The following FHOD3 variants were observed in gnomAD, a reference collection of about 807,000 sequenced individuals.
FHOD3 encodes formin homology 2 domain containing 3.
A neutral mutation model predicts 173.0 loss-of-function variants in FHOD3; 90 were observed. That is an observed-to-expected ratio of 0.52 (90% CI 0.44 to 0.62). The LOEUF (loss-of-function observed/expected upper bound fraction) is 0.62, where lower values mean the gene tolerates loss of function less well. FHOD3 is among the 20% of genes least tolerant of loss of function. The probability of loss-of-function intolerance (pLI) is 0.00; values close to 1 mark genes in which losing one functional copy is unlikely to be tolerated. For missense variants in FHOD3, 1,945 were observed against 2,034.7 expected, an observed-to-expected ratio of 0.96 and a Z score of 0.85; for synonymous variants, 828 against 823.0, an observed-to-expected ratio of 1.01 and a Z score of -0.10.
intron 18 of FHOD3, chr18:36,710,911 TG>T (rs2040136829): frequency 1.3e-5 from 2 of 152,220 alleles, no homozygotes; most frequent in Admixed American, 6.5e-5. Flanking sequence ...TAATCATAAC[TG>T]GGTTTAGCAG....
At chr18:36,529,790 A>T (rs1472034931) in intron 5 of FHOD3, among the ~76,000 whole-genome samples, 1 of 152,012 alleles carries the variant, frequency 6.6e-6, no homozygotes, top group African/African-American at 2.4e-5. Flanking sequence ...AAAGAGTGAG[A>T]CTCTGTCTCA....
intron 27 of FHOD3, among the ~76,000 whole-genome samples, chr18:36,761,151 A>G (rs1428869275): frequency 1.3e-5 from 2 of 152,098 alleles, no homozygotes; most frequent in Admixed American, 6.5e-5. Context: ...GTCTGTGGCT[A>G]CTTTGGCAGA....
chr18:36,742,960 G>A (rs2041973401), intron 22 of FHOD3, 104 bp downstream of exon 22: 1 of 1,435,366 alleles, frequency 7.0e-7, no homozygotes, highest in Non-Finnish European at 9.4e-7. Flanking sequence ...AAGCACAGTG[G>A]AACAAATGAC....
At chr18:36,301,840 G>A (rs922955953) in intron 1 of FHOD3, among the ~76,000 whole-genome samples, 3 of 152,210 alleles carry the variant, frequency 2.0e-5, no homozygotes, top group East Asian at 1.9e-4. Flanking sequence ...GACTTTTTTA[G>A]TGTACATGTT....
chr18:36,742,851 A>C lies in FHOD3; in HGVS notation c.3874A>C (p.Thr1292Pro). 1 of 1,612,380 alleles carries C rather than the reference A, an allele frequency of 6.2e-7. No homozygotes were observed. Among genetic ancestry groups the C allele is most frequent in the Non-Finnish European group, 8.5e-7 (1 of 1,179,436 alleles). ...LLAIGNFLNG[T>P]NAKAFELSYL... ...AGCCATTGGGAACTTTCTAAATGGA[A>C]CTAATGTAAGTCATCCCCATCCCTC... Residue 1292 changes from threonine (T) to proline (P), a missense_variant, in exon 22 of 29, where the codon ACT (threonine) becomes CCT (proline). By Grantham distance (38) the Thr-to-Pro change is conservative. Coordinates refer to ENST00000590592, the MANE Select transcript of FHOD3 (RefSeq NM_001281740.3).
chr18:36,328,556 G>T (rs530084284), intron 1 of FHOD3, among the ~76,000 whole-genome samples: 1 of 152,270 alleles, frequency 6.6e-6, no homozygotes, highest in South Asian at 2.1e-4. Flanking sequence ...GGGGAGTTTT[G>T]AGCAGCAGAG....
rs1465774220 is a variant in FHOD3, at chr18:36,618,310, G to GTTTTTTTTTTTTTTTTTTTTTTT, written c.957+6215_957+6216insTTTTTTTTTTTTTTTTTTTTTTT. On this transcript the variant is annotated intron_variant, in intron 9 of 28. Coordinates refer to ENST00000590592, the MANE Select transcript of FHOD3 (RefSeq NM_001281740.3). ...CCATTTGGTAATGATGTTTTTTGGT[G>GTTTTTTTTTTTTTTTTTTTTTTT]GTTTTTTTTTTTTTTTTTTTTTTGA... 1.3e-4 allele frequency among the ~76,000 whole-genome samples: 11 copies of GTTTTTTTTTTTTTTTTTTTTTTT among 85,226 alleles called. 4 individuals carry two copies. The highest frequency in any genetic ancestry group is 7.0e-5 in the Non-Finnish European group (3 of 42,700). The allele number at this position is 85,226 out of a possible 152,430, so 55.9% of individuals were successfully genotyped here. A position where few individuals can be genotyped will look rare whatever the true frequency, so the allele number is the denominator to read the frequency against.
intron 1 of FHOD3, among the ~76,000 whole-genome samples, chr18:36,331,746 A>G (rs1328601516): frequency 1.3e-5 from 2 of 151,908 alleles, no homozygotes; most frequent in Non-Finnish European, 2.9e-5. Context: ...GCAACTTCCC[A>G]GAGCTCAGGA....
chr18:36,617,705 A>G (rs1414867724), intron 9 of FHOD3, among the ~76,000 whole-genome samples: 2 of 151,904 alleles, frequency 1.3e-5, no homozygotes, highest in East Asian at 3.9e-4. Flanking sequence ...AGCCCTGGAA[A>G]TGTTTAAGTG....
At chr18:36,309,053 T>C (rs927983608) in intron 1 of FHOD3, among the ~76,000 whole-genome samples, 1 of 151,904 alleles carries the variant, frequency 6.6e-6, no homozygotes, top group African/African-American at 2.4e-5. Context: ...AGCCCCATGT[T>C]GGCAAGAGAA....
intron 17 of FHOD3, among the ~76,000 whole-genome samples, chr18:36,699,712 C>T (rs1042133008): frequency 1.3e-5 from 2 of 152,198 alleles, no homozygotes; most frequent in African/African-American, 4.8e-5. Flanking sequence ...TGATACAACA[C>T]CTGCAGTATG....
chr18:36,667,579 A>T (rs1318979494), intron 14 of FHOD3, among the ~76,000 whole-genome samples: 3 of 152,138 alleles, frequency 2.0e-5, no homozygotes, highest in Admixed American at 6.5e-5. Context: ...GTTGTAACAC[A>T]GTGAGAAGTA....
chr18:36,706,409 A>G (rs893241652), intron 17 of FHOD3, among the ~76,000 whole-genome samples: 1 of 152,212 alleles, frequency 6.6e-6, no homozygotes, highest in Non-Finnish European at 1.5e-5. Context: ...TGAAAAAAAG[A>G]TACCACCCCA....
intron 1 of FHOD3, among the ~76,000 whole-genome samples, chr18:36,335,261 C>T (rs1444996279): frequency 1.3e-4 from 20 of 151,806 alleles, no homozygotes; most frequent in African/African-American, 2.7e-4. Flanking sequence ...TTTGGGAGGC[C>T]GAGGCGGGCG....
At chr18:36,505,267 T>C (rs560628324) in intron 4 of FHOD3, among the ~76,000 whole-genome samples, 67 of 152,232 alleles carry the variant, frequency 4.4e-4, no homozygotes, top group Non-Finnish European at 8.5e-4. Flanking sequence ...TATATACCTA[T>C]AGCACAGAAT....
At chr18:36,705,338 A>G (rs562030314) in intron 17 of FHOD3, among the ~76,000 whole-genome samples, 1 of 152,228 alleles carries the variant, frequency 6.6e-6, no homozygotes, top group Middle Eastern at 3.4e-3. Flanking sequence ...TGCCCAGGGC[A>G]TTCTCAGCAT....
chr18:36,438,013 G>A (rs2050913686), intron 3 of FHOD3, among the ~76,000 whole-genome samples: 2 of 151,976 alleles, frequency 1.3e-5, no homozygotes, highest in South Asian at 2.1e-4. Context: ...CCCCTGCACT[G>A]CCCTCCCACA....
chr18:36,559,434 C>G (rs2058013113), intron 5 of FHOD3, among the ~76,000 whole-genome samples: 1 of 152,166 alleles, frequency 6.6e-6, no homozygotes, highest in South Asian at 2.1e-4. Flanking sequence ...TGACTTTGCC[C>G]TTTCCTCCTT....
At chr18:36,361,808 A>G (rs1311903898) in intron 2 of FHOD3, among the ~76,000 whole-genome samples, 9 of 152,126 alleles carry the variant, frequency 5.9e-5, no homozygotes, top group Non-Finnish European at 1.2e-4. Flanking sequence ...GAACTTTAGA[A>G]CCTTCCCTGC....
Sources: gnomAD v4.1 joint callset for allele counts (sites outside exome capture counted in the v4.1 genomes callset) on GRCh38, gnomAD v4.1.1 for gene constraint, MANE v1.5 for transcripts, NCBI Gene and HGNC (gene_info 2026-07-23, HGNC 2026-07-21) for gene names.